SETD5: variants seen among roughly 807,000 people sequenced by gnomAD.
SETD5 encodes histone-lysine N-methyltransferase SETD5.
SETD5 carries 44 observed loss-of-function variants against 153.3 expected under a neutral mutation model. The ratio of observed to expected loss-of-function variants is 0.29; its 90% CI spans 0.23 to 0.37. SETD5 has a LOEUF of 0.37. SETD5 is among the 10% of genes least tolerant of loss of function. The pLI, the probability that SETD5 is intolerant of heterozygous loss-of-function variation, is 1.00. For missense variants in SETD5, 1,544 were observed against 1,768.0 expected, an observed-to-expected ratio of 0.87 and a Z score of 2.27; for synonymous variants, 716 against 645.2, an observed-to-expected ratio of 1.11 and a Z score of -1.66.
chr3:9,452,006 A>G (rs957463001), intron 16 of SETD5, among the ~76,000 whole-genome samples: 6 of 152,168 alleles, frequency 3.9e-5, no homozygotes, highest in African/African-American at 1.4e-4. Flanking sequence ...ACAAATGTCC[A>G]TGTTCCTTTT....
At chr3:9,432,150 C>G (rs1331200271) in intron 3 of SETD5, 1 of 228,920 alleles carries the variant, frequency 4.4e-6, no homozygotes, top group African/African-American at 2.3e-5. Context: ...AGAATACTGA[C>G]CTGCATTCTT....
chr3:9,423,531 TTTC>T (rs1353185178), intron 1 of SETD5, among the ~76,000 whole-genome samples: 2 of 152,242 alleles, frequency 1.3e-5, no homozygotes, highest in Non-Finnish European at 2.9e-5. Flanking sequence ...CCTTTTTTTC[TTTC>T]TTATTTGCTA....
At chr3:9,447,347 CT>C (rs1451111060) in intron 14 of SETD5, 40 bp downstream of exon 14, 1 of 1,577,152 alleles carries the variant, frequency 6.3e-7, no homozygotes, top group African/African-American at 1.4e-5. Context: ...ACATCCTCAC[CT>C]TTGCTAATGT....
intron 1 of SETD5, among the ~76,000 whole-genome samples, chr3:9,420,666 C>T (rs1453305386): frequency 6.6e-6 from 1 of 152,146 alleles, no homozygotes; most frequent in Non-Finnish European, 1.5e-5. Context: ...AGTCCCGAAC[C>T]CCTAAAATTC....
chr3:9,476,301 A>G lies in SETD5; in HGVS notation c.*210A>G. On this transcript the variant is annotated 3_prime_UTR_variant, in exon 23 of 23. Coordinates refer to ENST00000402198, the MANE Select transcript of SETD5 (RefSeq NM_001080517.3). ...AATCTTGTCTGAAGCAGAGACTATA[A>G]AGAAGTTTCTCCCTGCTGTCAAGGG... is the stretch of plus-strand genomic sequence containing the variant. 6.3e-6 allele frequency: 4 copies of G among 639,822 alleles called. No homozygotes were observed. 39.6% of individuals were successfully genotyped at this position (639,822 alleles called of 1,614,324 possible). A position where few individuals can be genotyped will look rare whatever the true frequency, so the allele number is the denominator to read the frequency against.
intron 1 of SETD5, among the ~76,000 whole-genome samples, chr3:9,399,529 G>T (rs1436233483): frequency 6.6e-6 from 1 of 151,928 alleles, no homozygotes; most frequent in Admixed American, 6.6e-5. Context: ...GAGTCTTTAA[G>T]GTTTACTCAG....
At position 9,475,674 on chromosome 3, in the gene SETD5, C is replaced by T; in HGVS notation, c.3912C>T (p.His1304=). ...LSSTSYSSPA[H]PVSTDSLAPF... is the part of the protein sequence containing the mutation. ...CCACGTCCTATTCCAGCCCCGCCCA[C>T]CCTGTGTCCACAGACTCGTTGGCCC... is the stretch of plus-strand genomic sequence containing the variant. Residue 1304 remains histidine, a synonymous_variant, in exon 23 of 23, where the codon CAC becomes CAT. Transcript: ENST00000402198. 1 of 1,613,998 alleles carries T rather than the reference C, an allele frequency of 6.2e-7. No individual in the cohort carries two copies. Among genetic ancestry groups the T allele is most frequent in the South Asian group, 1.1e-5 (1 of 91,084 alleles).
At chr3:9,457,096 T>C (rs1171725868) in intron 17 of SETD5, among the ~76,000 whole-genome samples, 1 of 152,226 alleles carries the variant, frequency 6.6e-6, no homozygotes, top group Non-Finnish European at 1.5e-5. Flanking sequence ...TAAAAGTTAT[T>C]ATCAAAGTAG....
intron 7 of SETD5, among the ~76,000 whole-genome samples, chr3:9,438,303 T>A (rs1006299602): frequency 6.6e-6 from 1 of 152,160 alleles, no homozygotes; most frequent in Non-Finnish European, 1.5e-5. Context: ...TTTGTCTCAT[T>A]TGCTTAGAGA....
chr3:9,446,301 A>AC (rs1170379070), intron 13 of SETD5, among the ~76,000 whole-genome samples: 2 of 138,782 alleles, frequency 1.4e-5, no homozygotes, highest in Non-Finnish European at 3.1e-5. Flanking sequence ...AAAAAAAAAA[A>AC]AAAAAAATCT....
At chr3:9,461,132 T>C (rs1575554534) in intron 17 of SETD5, among the ~76,000 whole-genome samples, 1 of 152,272 alleles carries the variant, frequency 6.6e-6, no homozygotes, top group African/African-American at 2.4e-5. Flanking sequence ...CTCAGTAGAA[T>C]GCAGGCTGAA....
rs367686844 is a variant in SETD5, at chr3:9,440,663, G to T, written c.775G>T (p.Ala259Ser). The stretch of plus-strand genomic sequence containing the variant: ...AGACACTATTAATAAGACTGAATTG[G>T]CCTGTAATAACACAGTTATTGGTTC... The part of the protein sequence containing the change: ...ILDTINKTEL[A>S]CNNTVIGSQM... The change falls in exon 8 of 23, where the codon GCC becomes TCC. Residue 259 changes from alanine (A) to serine (S), a missense_variant. Ala to Ser is a moderately conservative substitution (Grantham distance 99, BLOSUM62 1). This residue lies in a region of SETD5 where 251 missense variants were observed against 326.9 expected (regional missense o/e 0.77). Coordinates refer to ENST00000402198, the MANE Select transcript of SETD5 (RefSeq NM_001080517.3). The T allele has an allele frequency of 3.1e-6, 5 of 1,613,494 alleles. No individual in the cohort carries two copies. Among genetic ancestry groups the T allele is most frequent in the Non-Finnish European group, 4.2e-6 (5 of 1,179,730 alleles).
intron 16 of SETD5, among the ~76,000 whole-genome samples, chr3:9,452,426 A>C (rs2042726420): frequency 6.6e-6 from 1 of 152,208 alleles, no homozygotes; most frequent in Non-Finnish European, 1.5e-5. Context: ...CTGACAATTC[A>C]TCTTTACATC....
rs1299310068 is a variant in SETD5 at position 9,477,678 on chromosome 3, GA to G, written c.*1588del. ...TCAGGTGTTTGCTCAAATGAGGGGA[GA>G]TTTTTTTTTTTTTTTTTTTTTTAAA... On this transcript the variant is annotated 3_prime_UTR_variant, in exon 23 of 23. Transcript: ENST00000402198. 10 of 144,514 alleles carry G rather than the reference GA, an allele frequency of 6.9e-5. No individual in the cohort carries two copies. Among genetic ancestry groups the G allele is most frequent in the Admixed American group, 4.8e-4 (7 of 14,644 alleles). 9.0% of individuals were successfully genotyped at this position (144,514 alleles called of 1,614,324 possible).
chr3:9,456,048 T>C (rs902256231), intron 17 of SETD5, among the ~76,000 whole-genome samples: 1 of 152,192 alleles, frequency 6.6e-6, no homozygotes, highest in East Asian at 1.9e-4. Flanking sequence ...TTTTATTTGT[T>C]GGCTCTCTTT....
intron 12 of SETD5, 93 bp downstream of exon 12, chr3:9,445,393 T>G: frequency 7.9e-7 from 1 of 1,265,482 alleles, no homozygotes; most frequent in Non-Finnish European, 1.1e-6. Context: ...AGGGGAGCTA[T>G]AGTAACACTT....
intron 17 of SETD5, 97 bp from the exon 18 acceptor site, chr3:9,464,328 G>C: frequency 6.7e-7 from 1 of 1,502,398 alleles, no homozygotes; most frequent in South Asian, 1.3e-5. Flanking sequence ...GCAGAAAACA[G>C]TTAAGAGCCA....
intron 1 of SETD5, among the ~76,000 whole-genome samples, chr3:9,412,190 T>G (rs2036664929): frequency 6.6e-6 from 1 of 152,082 alleles, no homozygotes; most frequent in Non-Finnish European, 1.5e-5. Flanking sequence ...TTTGATTTTT[T>G]TGTTGTTGTT....
chr3:9,441,613 T>G lies in SETD5; in HGVS notation c.831T>G (p.Thr277=), dbSNP rs1677105576. The G allele has an allele frequency of 1.2e-6, 2 of 1,613,860 alleles. No individual in the cohort carries two copies. Among genetic ancestry groups the G allele is most frequent in the African/African-American group, 1.3e-5 (1 of 74,940 alleles). The change falls in exon 9 of 23, where the codon ACT becomes ACG. Residue 277 remains threonine, a synonymous_variant. Coordinates refer to ENST00000402198, the MANE Select transcript of SETD5 (RefSeq NM_001080517.3). ...TTCAGTTACAGCTGGGAAGAGTCAC[T>G]CGTGTTCAAAAGCACCGGAAGATCC... ...SQMQLQLGRV[T]RVQKHRKILR... is the part of the protein sequence containing the mutation.
Sources: gnomAD v4.1 joint callset for allele counts (sites outside exome capture counted in the v4.1 genomes callset) on GRCh38, gnomAD v4.1.1 for gene constraint, gnomAD v4.1.1 regional missense constraint, MANE v1.5 for transcripts, NCBI Gene and HGNC (gene_info 2026-07-23, HGNC 2026-07-21) for gene names.